The following CAMTA1 variants were observed in gnomAD, a reference collection of about 807,000 sequenced individuals.
The protein encoded by CAMTA1 is calmodulin-binding transcription activator 1.
CAMTA1 carries 27 observed loss-of-function variants against 170.9 expected under a neutral mutation model. The observed-to-expected ratio is 0.16, with a 90% CI of 0.12 to 0.22. The LOEUF (loss-of-function observed/expected upper bound fraction) is 0.22, where lower values mean the gene tolerates loss of function less well. CAMTA1 is among the 10% of genes least tolerant of loss of function. The probability of loss-of-function intolerance (pLI) is 1.00; values close to 1 mark genes in which losing one functional copy is unlikely to be tolerated. For synonymous variants in CAMTA1, 833 were observed against 891.5 expected, an observed-to-expected ratio of 0.93 and a Z score of 1.17; for missense variants, 1,619 against 2,217.2, an observed-to-expected ratio of 0.73 and a Z score of 5.42.
At chr1:6,819,066 A>G (rs1458798160) in intron 1 of CAMTA1, among the ~76,000 whole-genome samples, 2 of 150,794 alleles carry the variant, frequency 1.3e-5, no homozygotes, top group Admixed American at 6.6e-5. Flanking sequence ...CGATCTTCCT[A>G]CCACAGCCTC....
intron 5 of CAMTA1, among the ~76,000 whole-genome samples, chr1:7,422,239 C>T (rs1014708246): frequency 1.3e-5 from 2 of 152,000 alleles, no homozygotes; most frequent in African/African-American, 4.8e-5. Flanking sequence ...AGCTGTGGGT[C>T]CTGGTGCCCA....
intron 6 of CAMTA1, among the ~76,000 whole-genome samples, chr1:7,501,607 G>A (rs1177533795): frequency 7.9e-6 from 1 of 126,648 alleles, no homozygotes; most frequent in Non-Finnish European, 1.8e-5. Flanking sequence ...TTGAAATTCG[G>A]ATAAACAACA....
At chr1:6,900,925 A>C (rs1054131815) in intron 3 of CAMTA1, among the ~76,000 whole-genome samples, 4 of 152,272 alleles carry the variant, frequency 2.6e-5, no homozygotes, top group African/African-American at 7.2e-5. Context: ...ATGGAAATGC[A>C]AAAGATCTAG....
At chr1:6,963,282 C>T (rs1386515233) in intron 3 of CAMTA1, among the ~76,000 whole-genome samples, 1 of 76,726 alleles carries the variant, frequency 1.3e-5, no homozygotes, top group Non-Finnish European at 3.2e-5. Flanking sequence ...CCCCCCCCCC[C>T]CCCCCGCTTT....
chr1:6,905,629 G>T (rs1264047479), intron 3 of CAMTA1, among the ~76,000 whole-genome samples: 1 of 152,114 alleles, frequency 6.6e-6, no homozygotes, highest in Non-Finnish European at 1.5e-5. Context: ...CTGCACTTGG[G>T]TAAAGGCTTC....
At chr1:7,075,190 G>A (rs1214787502) in intron 3 of CAMTA1, among the ~76,000 whole-genome samples, 3 of 152,126 alleles carry the variant, frequency 2.0e-5, no homozygotes, top group East Asian at 1.9e-4. Context: ...AAAAGTGGTC[G>A]GGAGTCTTCA....
chr1:7,048,484 C>A (rs143454502), intron 3 of CAMTA1, among the ~76,000 whole-genome samples: 5 of 152,262 alleles, frequency 3.3e-5, no homozygotes, highest in African/African-American at 1.2e-4. Flanking sequence ...GAGAGGGGAG[C>A]GTCTGCTGTT....
At chr1:7,104,153 C>T (rs1198973613) in intron 4 of CAMTA1, among the ~76,000 whole-genome samples, 1 of 140,934 alleles carries the variant, frequency 7.1e-6, no homozygotes, top group African/African-American at 2.7e-5. Flanking sequence ...ACACAACACA[C>T]ATATGCATAC....
At chr1:7,239,801 G>A (rs919109484) in intron 4 of CAMTA1, among the ~76,000 whole-genome samples, 10 of 152,042 alleles carry the variant, frequency 6.6e-5, no homozygotes, top group Middle Eastern at 3.4e-3. Flanking sequence ...GGAGCATGGC[G>A]CCTTGTGAGG....
intron 5 of CAMTA1, among the ~76,000 whole-genome samples, chr1:7,267,113 AAG>A (rs1669057383): frequency 6.6e-6 from 1 of 152,166 alleles, no homozygotes; most frequent in Non-Finnish European, 1.5e-5. Flanking sequence ...TGGAAAGGCT[AAG>A]AGAGTGGAAG....
At chr1:7,705,557 C>G (rs1344204887) in intron 11 of CAMTA1, among the ~76,000 whole-genome samples, 1 of 150,718 alleles carries the variant, frequency 6.6e-6, no homozygotes, top group Admixed American at 6.6e-5. Flanking sequence ...CGCGGGGGCC[C>G]GGCCCGGCCG....
intron 6 of CAMTA1, among the ~76,000 whole-genome samples, chr1:7,628,420 G>T (rs2095647529): frequency 6.6e-6 from 1 of 152,198 alleles, no homozygotes. Flanking sequence ...AGAGGTGGCT[G>T]GATTGCTAAA....
At chr1:6,999,841 A>G (rs1430877033) in intron 3 of CAMTA1, among the ~76,000 whole-genome samples, 1 of 152,048 alleles carries the variant, frequency 6.6e-6, no homozygotes, top group Non-Finnish European at 1.5e-5. Flanking sequence ...AGTGAGGAGA[A>G]TACGTTGGTG....
In CAMTA1 at chr1:7,608,149, G is replaced by T. The variant is rs1015827242; in HGVS notation, c.511-32251G>T. 6.6e-5 allele frequency among the ~76,000 whole-genome samples: 10 copies of T among 152,182 alleles called. No homozygotes were observed. In the East Asian group the frequency reaches 1.9e-3, roughly 29 times the overall value. On this transcript the variant is annotated intron_variant, in intron 6 of 22. Transcript: ENST00000303635. Reference sequence around the variant, plus strand: ...CCCATGGCAGGGGTGCACTCTCCTGGCTTCAGACCTTGGCTCTCCTGCCCG... The same window carrying T: ...CCCATGGCAGGGGTGCACTCTCCTGTCTTCAGACCTTGGCTCTCCTGCCCG...
intron 3 of CAMTA1, among the ~76,000 whole-genome samples, chr1:6,968,139 C>G (rs142173363): frequency 1.3e-5 from 2 of 152,208 alleles, no homozygotes; most frequent in African/African-American, 4.8e-5. Flanking sequence ...TCCGTTGGCC[C>G]CTCCCTGCCC....
At chr1:7,554,321 A>G (rs2094847391) in intron 6 of CAMTA1, among the ~76,000 whole-genome samples, 1 of 152,128 alleles carries the variant, frequency 6.6e-6, no homozygotes, top group Non-Finnish European at 1.5e-5. Context: ...CTTGGCAGAT[A>G]TCTGTAGAGA....
chr1:6,864,473 A>C (rs1246358331), intron 3 of CAMTA1, among the ~76,000 whole-genome samples: 2 of 152,070 alleles, frequency 1.3e-5, no homozygotes, highest in African/African-American at 2.4e-5. Flanking sequence ...TTCTTGTTGT[A>C]CTTGAGATAC....
chr1:7,605,681 G>A (rs577447506), intron 6 of CAMTA1, among the ~76,000 whole-genome samples: 2 of 152,262 alleles, frequency 1.3e-5, no homozygotes, highest in East Asian at 1.9e-4. Flanking sequence ...GGTGTGCTGC[G>A]CCCACTGTCC....
intron 4 of CAMTA1, among the ~76,000 whole-genome samples, chr1:7,217,582 A>G (rs1453624983): frequency 6.6e-6 from 1 of 152,078 alleles, no homozygotes; most frequent in Non-Finnish European, 1.5e-5. Context: ...TACTTGCTGT[A>G]CTTGTCTTTC....
Sources: allele counts gnomAD v4.1 joint callset (sites outside exome capture counted in the v4.1 genomes callset), GRCh38; gene constraint gnomAD v4.1.1; transcripts MANE v1.5; gene names NCBI Gene and HGNC (gene_info 2026-07-23, HGNC 2026-07-21).